The following VPS13C variants were observed in gnomAD, a reference collection of about 807,000 sequenced individuals.
VPS13C encodes the protein intermembrane lipid transfer protein VPS13C.
VPS13C carries 358 observed loss-of-function variants against 456.8 expected under a neutral mutation model. The ratio of observed to expected loss-of-function variants is 0.78; its 90% CI spans 0.72 to 0.86. The LOEUF (loss-of-function observed/expected upper bound fraction) is 0.86. VPS13C is among the 40% of genes least tolerant of loss of function. VPS13C has a pLI of 0.00. For missense variants in VPS13C, 4,818 were observed against 4,385.4 expected (o/e 1.10, Z -2.79); for synonymous variants, 1,578 against 1,486.7 (o/e 1.06, Z -1.41).
intron 19 of VPS13C, 128 bp from the exon 20 acceptor site, chr15:61,984,140 G>C: frequency 1.3e-6 from 1 of 789,256 alleles, no homozygotes; most frequent in Non-Finnish European, 1.9e-6. Flanking sequence ...ATCCAGAGCT[G>C]AAGCTCAACC....
chr15:61,964,093 T>C (rs2045304009), intron 31 of VPS13C, 142 bp from the exon 32 acceptor site: 2 of 525,062 alleles, frequency 3.8e-6, no homozygotes, highest in Non-Finnish European at 6.6e-6. Context: ...TTCAAACACT[T>C]TTTTTGCTTT....
At chr15:61,962,292 T>G in intron 34 of VPS13C, 79 bp downstream of exon 34, 1 of 1,344,086 alleles carries the variant, frequency 7.4e-7, no homozygotes, top group Non-Finnish European at 1.0e-6. Context: ...ATCCAAGGTT[T>G]ATAACATTTG....
Position 62,000,579 on chromosome 15 carries a change from T to C in VPS13C, c.1338A>G (p.Gln446=), listed in dbSNP as rs547366938. The C allele has an allele frequency of 1.2e-6, 2 of 1,608,418 alleles. No individual in the cohort carries two copies. The highest frequency in any genetic ancestry group is 1.7e-6 in the Non-Finnish European group (2 of 1,178,124). Residue 446 remains glutamine (Q), a synonymous_variant, in exon 16 of 85, where the codon CAA becomes CAG. Transcript: ENST00000644861. ...AAATGATTACCTCAACTTGTGCTTG[T>C]TGCCTTGCTAAAATTATGTTAAAAA... The part of the protein sequence containing the change: ...LDVFNIILAR[Q]QAQVEVIRSG...
At chr15:61,879,795 A>G (rs1412260948) in intron 73 of VPS13C, among the ~76,000 whole-genome samples, 1 of 152,120 alleles carries the variant, frequency 6.6e-6, no homozygotes. Context: ...TACCTATCAC[A>G]TAAAACAATA....
intron 1 of VPS13C, among the ~76,000 whole-genome samples, chr15:62,044,568 T>A (rs1171287499): frequency 6.6e-6 from 1 of 152,272 alleles, no homozygotes; most frequent in African/African-American, 2.4e-5. Context: ...AAAGTAGCCA[T>A]CATTTTGAAT....
intron 15 of VPS13C, 60 bp downstream of exon 15, chr15:62,007,248 G>A: frequency 8.4e-7 from 1 of 1,197,552 alleles, no homozygotes; most frequent in Non-Finnish European, 1.1e-6. Context: ...ATTACATGCA[G>A]AAGAATATTA....
At chr15:61,859,838 T>A (rs1469748768) in intron 82 of VPS13C, among the ~76,000 whole-genome samples, 1 of 149,244 alleles carries the variant, frequency 6.7e-6, no homozygotes, top group East Asian at 1.9e-4. Context: ...TGTTGATGGT[T>A]TTTTTTTTTA....
At chr15:61,986,037 A>T (rs931375608) in intron 18 of VPS13C, among the ~76,000 whole-genome samples, 3 of 151,838 alleles carry the variant, frequency 2.0e-5, no homozygotes, top group Non-Finnish European at 4.4e-5. Context: ...CACAGCATCA[A>T]ATCATCTCAA....
chr15:61,852,493 A>T lies in VPS13C; in HGVS notation c.*1964T>A, dbSNP rs1263436415. The T allele has an allele frequency of 6.6e-6, 1 of 152,200 alleles. No individual in the cohort carries two copies. The highest frequency in any genetic ancestry group is 1.5e-5 in the Non-Finnish European group (1 of 68,030). The allele number at this position is 152,200 out of a possible 1,614,324, so 9.4% of individuals were successfully genotyped here. A position where few individuals can be genotyped will look rare whatever the true frequency, so the allele number is the denominator to read the frequency against. On this transcript the variant is annotated 3_prime_UTR_variant, in exon 85 of 85. Coordinates refer to ENST00000644861, the MANE Select transcript of VPS13C (RefSeq NM_020821.3). ...AACGCATTATTACACTTTACCAATGAATTATTTCTGTCCCTGGAGATTAAA... is the reference window on the plus strand; with the variant it reads ...AACGCATTATTACACTTTACCAATGTATTATTTCTGTCCCTGGAGATTAAA...
intron 3 of VPS13C, among the ~76,000 whole-genome samples, chr15:62,040,336 T>C (rs1403437421): frequency 6.6e-6 from 1 of 152,094 alleles, no homozygotes; most frequent in Non-Finnish European, 1.5e-5. Flanking sequence ...CATTTACATA[T>C]AACTAAGAGT....
Position 61,925,503 on chromosome 15 carries a change from A to G in VPS13C, c.6562T>C (p.Ser2188Pro), listed in dbSNP as rs2043818608. The G allele has an allele frequency of 6.2e-7, 1 of 1,605,448 alleles. No individual in the cohort carries two copies. The highest frequency in any genetic ancestry group is 8.5e-7 in the Non-Finnish European group (1 of 1,175,926). Residue 2188 changes from serine to proline, a missense_variant, in exon 53 of 85, where the codon TCA (serine) becomes CCA (proline). Ser to Pro is a moderately conservative substitution (Grantham distance 74). Coordinates refer to ENST00000644861, the MANE Select transcript of VPS13C (RefSeq NM_020821.3). ...SLFMEKCTWA[S>P]GKQNINIMVK... ...ATAATATTTATATTTTGCTTTCCTG[A>G]AGCCCACGTACATTTTTCCATAAAT...
rs1893722704 is a variant in VPS13C, at chr15:61,852,963, C to T, written c.*1494G>A. On this transcript the variant is annotated 3_prime_UTR_variant, in exon 85 of 85. Coordinates refer to ENST00000644861, the MANE Select transcript of VPS13C (RefSeq NM_020821.3). The stretch of plus-strand genomic sequence containing the variant: ...CAAAAATAGAGCAAACCAAGCGTGT[C>T]CACATCTCCATGAATTCAGTGATTT... 6.6e-6 allele frequency: 1 copy of T among 152,100 alleles called. No individual in the cohort carries two copies. The highest frequency in any genetic ancestry group is 2.4e-5 in the African/African-American group (1 of 41,416). 9.4% of individuals were successfully genotyped at this position (152,100 alleles called of 1,614,324 possible).
chr15:61,916,278 T>A (rs1038866320), intron 60 of VPS13C, among the ~76,000 whole-genome samples: 10 of 152,098 alleles, frequency 6.6e-5, no homozygotes, highest in African/African-American at 2.4e-4. Flanking sequence ...AAAAATCAGG[T>A]CTATATCAAG....
chr15:61,909,006 G>C lies in VPS13C; in HGVS notation c.8964C>G (p.Leu2988=). 1 of 1,613,446 alleles carries C rather than the reference G, an allele frequency of 6.2e-7. No homozygotes were observed. The highest frequency in any genetic ancestry group is 2.2e-5 in the East Asian group (1 of 44,844). The change falls in exon 65 of 85, where the codon CTC becomes CTG. Residue 2988 remains leucine (L), a synonymous_variant. Coordinates refer to ENST00000644861, the MANE Select transcript of VPS13C (RefSeq NM_020821.3). ...TTTTCTCATACCTCTGTTTGTATGT[G>C]AGGATGTCCCATGGTGTATGGTTCA... The part of the protein sequence containing the change: ...LIMNHTPWDI[L]TYKQSGSPEE...
intron 4 of VPS13C, 35 bp from the exon 5 acceptor site, chr15:62,033,577 T>G (rs1261441964): frequency 7.0e-7 from 1 of 1,431,826 alleles, no homozygotes; most frequent in Non-Finnish European, 9.5e-7. Context: ...CAAAAATAAA[T>G]GGAATTAATA....
rs55704364 is a variant in VPS13C, at chr15:61,858,317, ACTATCTAT to A, written c.10953-1916_10953-1909del. Among the ~76,000 whole-genome samples, 50,267 of 147,408 alleles carry A rather than the reference ACTATCTAT, an allele frequency of 0.34. 8,968 individuals are homozygous for A. The highest frequency in any genetic ancestry group is 0.38 in the South Asian group (1,703 of 4,508). ...ACTCGAGATTTTTATCCAAACTCCA[ACTATCTAT>A]CTATCTATCTATCTATCTATCTATC... On this transcript the variant is annotated intron_variant, in intron 82 of 84. Coordinates refer to ENST00000644861, the MANE Select transcript of VPS13C (RefSeq NM_020821.3). This position sits in a 1 kb window ranked among gnomAD's most constrained non-coding sequence, Gnocchi z 4.4.
At chr15:61,950,524 A>G (rs1475988534) in intron 40 of VPS13C, 107 bp from the exon 41 acceptor site, 2 of 893,168 alleles carry the variant, frequency 2.2e-6, no homozygotes, top group African/African-American at 3.5e-5. Context: ...AAAGAGTAAA[A>G]AGATATTTCC....
chr15:61,931,395 G>A, intron 49 of VPS13C, 136 bp from the exon 50 acceptor site: 1 of 813,188 alleles, frequency 1.2e-6, no homozygotes, highest in South Asian at 2.2e-5. Flanking sequence ...TAAAACATCT[G>A]AATGGAACAG....
chr15:62,014,620 T>C (rs1219086284), intron 9 of VPS13C, among the ~76,000 whole-genome samples: 1 of 152,160 alleles, frequency 6.6e-6, no homozygotes, highest in Non-Finnish European at 1.5e-5. Flanking sequence ...GTAGGTTTAC[T>C]ATTGCTGTAG....
Sources: gnomAD v4.1 joint callset for allele counts (sites outside exome capture counted in the v4.1 genomes callset) on GRCh38, gnomAD v4.1.1 for gene constraint, Gnocchi (gnomAD v3.1) non-coding constraint, MANE v1.5 for transcripts, NCBI Gene and HGNC (gene_info 2026-07-23, HGNC 2026-07-21) for gene names.